RBAK: variants seen among roughly 807,000 people sequenced by gnomAD.
RBAK encodes RB associated KRAB zinc finger, also known as RB-associated KRAB zinc finger protein.
RBAK carries 39 observed loss-of-function variants against 65.8 expected under a neutral mutation model. The ratio of observed to expected loss-of-function variants is 0.59; its 90% CI spans 0.46 to 0.77. The LOEUF (loss-of-function observed/expected upper bound fraction) is 0.77. RBAK is among the 30% of genes least tolerant of loss of function. The probability of loss-of-function intolerance (pLI) is 0.00; values close to 1 mark genes in which losing one functional copy is unlikely to be tolerated. For synonymous variants in RBAK, 343 were observed against 289.7 expected (o/e 1.18, Z -1.87); for missense variants, 884 against 855.1 (o/e 1.03, Z -0.42).
intron 1 of RBAK, among the ~76,000 whole-genome samples, chr7:5,047,692 C>T (rs1374092586): frequency 6.6e-6 from 1 of 150,460 alleles, no homozygotes; most frequent in Non-Finnish European, 1.5e-5. Flanking sequence ...CAACCTCCAC[C>T]TCCCAGGTTC....
At chr7:5,057,618 T>A in intron 3 of RBAK, 66 bp from the exon 4 acceptor site, 1 of 1,607,654 alleles carries the variant, frequency 6.2e-7, no homozygotes, top group Admixed American at 1.7e-5. Flanking sequence ...GGTGGCAACA[T>A]CTTGTACTTC....
At chr7:5,055,078 G>A (rs1033943306) in intron 2 of RBAK, among the ~76,000 whole-genome samples, 9 of 152,122 alleles carry the variant, frequency 5.9e-5, no homozygotes, top group East Asian at 1.9e-4. Flanking sequence ...CACCGTGCCC[G>A]AGCACTTTTA....
chr7:5,056,653 C>T (rs909436079), intron 2 of RBAK, among the ~76,000 whole-genome samples: 2 of 152,162 alleles, frequency 1.3e-5, no homozygotes, highest in South Asian at 2.1e-4. Context: ...GGCATTCATT[C>T]ATTTAACGAA....
intron 3 of RBAK, 121 bp from the exon 4 acceptor site, chr7:5,057,563 T>C: frequency 6.3e-7 from 1 of 1,587,240 alleles, no homozygotes; most frequent in Non-Finnish European, 8.6e-7. Flanking sequence ...AGGTTCTAAC[T>C]TTGATAAGGT....
At position 5,066,696 on chromosome 7, in the gene RBAK, C is replaced by A. The variant is rs1182563540; in HGVS notation, c.*1095C>A. Reference sequence around the variant, plus strand: ...ATTTTTTGATCAATTAACTTAATGTCCTCGCTCCATTTCTTGCTGGAACAG... The same window carrying A: ...ATTTTTTGATCAATTAACTTAATGTACTCGCTCCATTTCTTGCTGGAACAG... On this transcript the variant is annotated 3_prime_UTR_variant, in exon 5 of 5. Coordinates refer to ENST00000396912, the MANE Select transcript of RBAK (RefSeq NM_021163.4). 2 of 152,150 alleles carry A rather than the reference C, an allele frequency of 1.3e-5. No homozygotes were observed. Among genetic ancestry groups the A allele is most frequent in the Admixed American group, 1.3e-4 (2 of 15,278 alleles). 9.4% of individuals were successfully genotyped at this position (152,150 alleles called of 1,614,324 possible).
chr7:5,060,799 C>T (rs1779050543), intron 4 of RBAK, among the ~76,000 whole-genome samples: 1 of 152,200 alleles, frequency 6.6e-6, no homozygotes, highest in South Asian at 2.1e-4. Context: ...CTTTCTGTTT[C>T]TTCTGTTGGT....
intron 2 of RBAK, among the ~76,000 whole-genome samples, chr7:5,049,880 A>G (rs548809933): frequency 7.9e-5 from 12 of 151,818 alleles, no homozygotes; most frequent in Admixed American, 3.3e-4. Flanking sequence ...GCCACACCCG[A>G]CTAATTTTTT....
intron 2 of RBAK, chr7:5,057,029 A>T (rs1778934191): frequency 6.0e-6 from 1 of 166,096 alleles, no homozygotes; most frequent in Non-Finnish European, 1.2e-5. Flanking sequence ...ATAGGAGCTC[A>T]GTTGTGTTTT....
chr7:5,057,630 G>A, intron 3 of RBAK, 54 bp from the exon 4 acceptor site: 2 of 1,610,370 alleles, frequency 1.2e-6, no homozygotes, highest in Non-Finnish European at 1.7e-6. Context: ...TTGTACTTCA[G>A]AGATTCTGAA....
intron 2 of RBAK, among the ~76,000 whole-genome samples, chr7:5,049,249 C>A (rs1788063219): frequency 6.6e-6 from 1 of 152,090 alleles, no homozygotes; most frequent in Non-Finnish European, 1.5e-5. Flanking sequence ...GCCTGCTGCC[C>A]AAGGAGAACT....
At position 5,061,650 on chromosome 7, in the gene RBAK, C is replaced by T. The variant is rs371491481; in HGVS notation, c.239-2045C>T. Among the ~76,000 whole-genome samples, 15 of 151,396 alleles carry T rather than the reference C, an allele frequency of 9.9e-5. No homozygotes were observed. In the East Asian group the frequency reaches 1.0e-3, roughly 10 times the overall value. ...CGGTGGCTCGTGTTTGTAATCCCAG[C>T]ACTTTGGGAGGCTGAGGTGGGTGGA... On this transcript the variant is annotated intron_variant, in intron 4 of 4. Coordinates refer to ENST00000396912, the MANE Select transcript of RBAK (RefSeq NM_021163.4).
In RBAK at chr7:5,064,132, GC is replaced by G; in HGVS notation, c.677del (p.Ala226ValfsTer3). ...GGCTGTTTTTATTGCTCATAAGAGA[GC>G]TTACATAGGGGAGAAGCCCTATGAG... ...NEAVFIAHKRAYIGEKPYEWN... is the reference protein window; with the variant it reads ...NEAVFIAHKRXYIGEKPYEWN... On this transcript the variant is annotated frameshift_variant, in exon 5 of 5. Coordinates refer to ENST00000396912, the MANE Select transcript of RBAK (RefSeq NM_021163.4). LOFTEE classifies it high-confidence loss of function. The surrounding 1 kb of genome is among the most constrained non-coding windows in gnomAD (Gnocchi z 6.3). The G allele has an allele frequency of 2.5e-6, 4 of 1,613,922 alleles. No homozygotes were observed. Among genetic ancestry groups the G allele is most frequent in the Non-Finnish European group, 3.4e-6 (4 of 1,179,980 alleles).
chr7:5,052,070 G>A (rs1788128826), intron 2 of RBAK, among the ~76,000 whole-genome samples: 1 of 152,172 alleles, frequency 6.6e-6, no homozygotes, highest in Admixed American at 6.5e-5. Flanking sequence ...ATACATAAAT[G>A]TTCAAGGTTA....
At chr7:5,055,874 C>T (rs1788217662) in intron 2 of RBAK, among the ~76,000 whole-genome samples, 1 of 152,034 alleles carries the variant, frequency 6.6e-6, no homozygotes, top group Non-Finnish European at 1.5e-5. Flanking sequence ...AGCCTAGCGG[C>T]CCTGCCTCTG....
rs2115045728 is a variant in RBAK at position 5,064,307 on chromosome 7, C to T, written c.851C>T (p.Thr284Ile). ...SKFIIHQRAH[T>I]GEKPYECNVC... is the part of the protein sequence containing the mutation. ...TTCATCATCCACCAGAGGGCTCACA[C>T]AGGAGAGAAACCTTATGAATGTAAT... is the stretch of plus-strand genomic sequence containing the variant. Residue 284 changes from threonine to isoleucine, a missense_variant, in exon 5 of 5, where the codon ACA becomes ATA. By Grantham distance (89) the Thr-to-Ile change is moderately conservative (BLOSUM62 -1). Transcript: ENST00000396912. This position sits in a 1 kb window ranked among gnomAD's most constrained non-coding sequence, Gnocchi z 6.3. The T allele has an allele frequency of 6.2e-7, 1 of 1,614,128 alleles. No homozygotes were observed. The highest frequency in any genetic ancestry group is 8.5e-7 in the Non-Finnish European group (1 of 1,180,010).
In RBAK at chr7:5,064,107, G is replaced by A. The variant is rs542342688; in HGVS notation, c.651G>A (p.Glu217=). The A allele has an allele frequency of 6.6e-5, 107 of 1,613,942 alleles. No individual in the cohort carries two copies. The South Asian group carries it at 1.0e-3, about 16-fold the overall frequency. ...YNECMEALDN[E]AVFIAHKRAY... The stretch of plus-strand genomic sequence containing the variant: ...AATGCATGGAAGCCTTAGACAATGA[G>A]GCTGTTTTTATTGCTCATAAGAGAG... The change falls in exon 5 of 5, where the codon GAG becomes GAA. Residue 217 remains glutamate (E), a synonymous_variant. Transcript: ENST00000396912. This position sits in a 1 kb window ranked among gnomAD's most constrained non-coding sequence, Gnocchi z 6.3.
chr7:5,063,023 C>T (rs112796604), intron 4 of RBAK, among the ~76,000 whole-genome samples: 68 of 152,156 alleles, frequency 4.5e-4, no homozygotes, highest in African/African-American at 1.1e-3. Context: ...GGTCCTGAGG[C>T]GACATACATC....
intron 2 of RBAK, 173 bp from the exon 3 acceptor site, chr7:5,057,122 T>C (rs1778938115): frequency 3.1e-6 from 1 of 327,800 alleles, no homozygotes; most frequent in Admixed American, 4.9e-5. Context: ...TTTTATATAT[T>C]ATGTATTATA....
At position 5,069,365 on chromosome 7, in the gene RBAK, A is replaced by T. The variant is rs1299905187; in HGVS notation, c.*3764A>T. 6.6e-6 allele frequency: 1 copy of T among 152,228 alleles called. No homozygotes were observed. Among genetic ancestry groups the T allele is most frequent in the Non-Finnish European group, 1.5e-5 (1 of 68,048 alleles). 9.4% of individuals were successfully genotyped at this position (152,228 alleles called of 1,614,324 possible). A position where few individuals can be genotyped will look rare whatever the true frequency, so the allele number is the denominator to read the frequency against. ...TTAGCATAATGTATATTTTAAGTGAAATATTTGAGAAGGTTAAAGAATCAT... is the reference window on the plus strand; with the variant it reads ...TTAGCATAATGTATATTTTAAGTGATATATTTGAGAAGGTTAAAGAATCAT... On this transcript the variant is annotated 3_prime_UTR_variant, in exon 5 of 5. Coordinates refer to ENST00000396912, the MANE Select transcript of RBAK (RefSeq NM_021163.4).
Sources: gnomAD v4.1 joint callset for allele counts (sites outside exome capture counted in the v4.1 genomes callset) on GRCh38, gnomAD v4.1.1 for gene constraint, Gnocchi (gnomAD v3.1) non-coding constraint, MANE v1.5 for transcripts, NCBI Gene and HGNC (gene_info 2026-07-23, HGNC 2026-07-21) for gene names.